The following MTHFD1L variants were observed in gnomAD, a reference collection of about 807,000 sequenced individuals.
MTHFD1L encodes methylenetetrahydrofolate dehydrogenase (NADP+ dependent) 1 like.
In MTHFD1L, 81 loss-of-function variants were observed where a neutral mutation model predicts 119.5. That is an observed-to-expected ratio of 0.68 (90% confidence interval 0.57 to 0.82). The LOEUF is 0.82. Ranked by LOEUF, MTHFD1L falls within the 40% of genes least tolerant of loss-of-function variation. The pLI, the probability that MTHFD1L is intolerant of heterozygous loss-of-function variation, is 0.00. For missense variants in MTHFD1L, 1,125 were observed against 1,253.4 expected, an observed-to-expected ratio of 0.90 and a Z score of 1.55; for synonymous variants, 430 against 475.2, an observed-to-expected ratio of 0.90 and a Z score of 1.24.
At chr6:151,083,665 A>C (rs1468617759) in intron 26 of MTHFD1L, among the ~76,000 whole-genome samples, 1 of 152,176 alleles carries the variant, frequency 6.6e-6, no homozygotes, top group Non-Finnish European at 1.5e-5. Context: ...ACCAAAGCAC[A>C]TTTCTGACAT....
chr6:150,964,708 C>G (rs1159740817), intron 18 of MTHFD1L, among the ~76,000 whole-genome samples: 1 of 152,166 alleles, frequency 6.6e-6, no homozygotes, highest in African/African-American at 2.4e-5. Context: ...CTCATAAACA[C>G]CATCAAGGAA....
At position 150,936,796 on chromosome 6, in the gene MTHFD1L, G is replaced by A. The variant is rs749501330; in HGVS notation, c.1257-8G>A. 39 of 1,608,972 alleles carry A rather than the reference G, an allele frequency of 2.4e-5. No homozygotes were observed. The highest frequency in any genetic ancestry group is 2.4e-4 in the African/African-American group (18 of 74,772). On this transcript the variant is annotated splice_polypyrimidine_tract_variant and splice_region_variant and intron_variant, in intron 11 of 27. Transcript: ENST00000367321. ...ATTATAAAATTCACTTTCTCCCCCC[G>A]AACTCAGGATCACACCCACCCCTCT... is the stretch of plus-strand genomic sequence containing the variant.
chr6:150,966,157 G>A (rs555143046), intron 19 of MTHFD1L, among the ~76,000 whole-genome samples: 8 of 152,126 alleles, frequency 5.3e-5, no homozygotes, highest in Admixed American at 1.3e-4. Flanking sequence ...TCGCATTGCC[G>A]TAAGGAACTA....
rs1462535620 is a variant in MTHFD1L, at chr6:151,101,647, C to T, written c.*153C>T. ...ATAGGCCAAAGATTTCTTCTTCGTT[C>T]AAGATGAATTCTGTTCACAGTGGAG... On this transcript the variant is annotated 3_prime_UTR_variant, in exon 28 of 28. Transcript: ENST00000367321. 6.6e-6 allele frequency: 1 copy of T among 152,540 alleles called. No homozygotes were observed. Among genetic ancestry groups the T allele is most frequent in the East Asian group, 1.9e-4 (1 of 5,196 alleles). The allele number at this position is 152,540 out of a possible 1,614,324, so 9.4% of individuals were successfully genotyped here. A position where few individuals can be genotyped will look rare whatever the true frequency, so the allele number is the denominator to read the frequency against.
rs547826642 is a variant in MTHFD1L at position 150,913,498 on chromosome 6, G to T, written c.893-5079G>T. 4.5e-4 allele frequency among the ~76,000 whole-genome samples: 69 copies of T among 152,150 alleles called. No individual in the cohort carries two copies. The South Asian group carries it at 4.8e-3, about 11-fold the overall frequency. ...TTTTTGTACCTTTTCTAGAGACGAGGTTTCACCAGGTTGCTCAGGCTGCTC... is the reference window on the plus strand; with the variant it reads ...TTTTTGTACCTTTTCTAGAGACGAGTTTTCACCAGGTTGCTCAGGCTGCTC... On this transcript the variant is annotated intron_variant, in intron 8 of 27. Transcript: ENST00000367321.
At chr6:151,092,182 A>G (rs1407872513) in intron 26 of MTHFD1L, among the ~76,000 whole-genome samples, 1 of 152,086 alleles carries the variant, frequency 6.6e-6, no homozygotes, top group Non-Finnish European at 1.5e-5. Flanking sequence ...TATTGAGAAG[A>G]AAAGGTTTGG....
chr6:150,866,153 AGT>A, intron 1 of MTHFD1L, 104 bp downstream of exon 1: 2 of 1,399,074 alleles, frequency 1.4e-6, no homozygotes, highest in Non-Finnish European at 1.9e-6. Context: ...CGGGGCTGCG[AGT>A]GTTTGGTGCC....
At chr6:150,951,970 C>G (rs574623559) in intron 16 of MTHFD1L, among the ~76,000 whole-genome samples, 10 of 152,186 alleles carry the variant, frequency 6.6e-5, no homozygotes, top group African/African-American at 2.2e-4. Context: ...CTTTGGGGTT[C>G]CAGCCTGAGC....
chr6:151,064,699 ACT>A, intron 26 of MTHFD1L, among the ~76,000 whole-genome samples: 1 of 151,962 alleles, frequency 6.6e-6, no homozygotes, highest in Middle Eastern at 3.4e-3. Context: ...TTCCCAAAAA[ACT>A]CTTAAAATAT....
chr6:150,929,177 T>C (rs1790572427), intron 11 of MTHFD1L, among the ~76,000 whole-genome samples: 1 of 152,222 alleles, frequency 6.6e-6, no homozygotes. Context: ...CACAGTTTAG[T>C]CAGGGTTGTT....
At chr6:150,982,293 A>G (rs1008913553) in intron 20 of MTHFD1L, among the ~76,000 whole-genome samples, 4 of 152,116 alleles carry the variant, frequency 2.6e-5, no homozygotes, top group Non-Finnish European at 5.9e-5. Flanking sequence ...TGCTAGCCAT[A>G]CTGGCCAACC....
intron 26 of MTHFD1L, among the ~76,000 whole-genome samples, chr6:151,087,889 G>T (rs548390448): frequency 4.1e-4 from 62 of 152,346 alleles, no homozygotes; most frequent in African/African-American, 1.5e-3. Context: ...AGCCTTTGTA[G>T]AAGAATCCAT....
At chr6:151,055,249 G>A (rs1005518078) in intron 26 of MTHFD1L, among the ~76,000 whole-genome samples, 2 of 151,832 alleles carry the variant, frequency 1.3e-5, no homozygotes, top group African/African-American at 2.4e-5. Flanking sequence ...AGGTGACAGA[G>A]GGAGACTCCG....
At chr6:150,951,880 G>A (rs922299295) in intron 16 of MTHFD1L, among the ~76,000 whole-genome samples, 1 of 152,030 alleles carries the variant, frequency 6.6e-6, no homozygotes, top group Non-Finnish European at 1.5e-5. Flanking sequence ...CAGGAAGGTG[G>A]AAATTAGTGT....
At position 150,960,276 on chromosome 6, in the gene MTHFD1L, C is replaced by T. The variant is rs139952525; in HGVS notation, c.1805C>T (p.Ala602Val). The T allele has an allele frequency of 4.1e-5, 66 of 1,611,626 alleles. No homozygotes were observed. The Middle Eastern group carries it at 8.7e-4, about 21-fold the overall frequency. ...CTACCTGTGTTTGGGCTGGTTCAGG[C>T]GCAGTTTGACATCGCAGTGGCCAGC... ...GNTEKGHYRQ[A>V]QFDIAVASEI... The change falls in exon 18 of 28, where the codon GCG becomes GTG. Residue 602 changes from alanine to valine, a missense_variant and splice_region_variant. Ala to Val is a moderately conservative substitution (Grantham distance 64, BLOSUM62 0). This residue lies in a region of MTHFD1L where 1,058 missense variants were observed against 1,151.2 expected (regional missense o/e 0.92). Coordinates refer to ENST00000367321, the MANE Select transcript of MTHFD1L (RefSeq NM_015440.5).
At chr6:150,866,602 G>T in intron 1 of MTHFD1L, 2 of 1,217,838 alleles carry the variant, frequency 1.6e-6, no homozygotes, top group Non-Finnish European at 2.0e-6. Flanking sequence ...GCTGGGGTCT[G>T]TGGCTGACGT....
chr6:151,091,277 T>G (rs74658424), intron 26 of MTHFD1L, among the ~76,000 whole-genome samples: 2 of 151,882 alleles, frequency 1.3e-5, no homozygotes, highest in South Asian at 2.1e-4. Context: ...TTGCTCCATG[T>G]GACTGGGTGC....
At chr6:151,011,845 TGAG>T (rs1252457221) in intron 21 of MTHFD1L, among the ~76,000 whole-genome samples, 1 of 151,540 alleles carries the variant, frequency 6.6e-6, no homozygotes, top group African/African-American at 2.4e-5. Flanking sequence ...GTGGATCACC[TGAG>T]GAGTTCAAGA....
At chr6:150,871,081 A>C (rs1451842474) in intron 1 of MTHFD1L, among the ~76,000 whole-genome samples, 1 of 144,722 alleles carries the variant, frequency 6.9e-6, no homozygotes, top group Non-Finnish European at 1.5e-5. Context: ...TACCTTAATT[A>C]TATATATACA....
Sources: allele counts gnomAD v4.1 joint callset (sites outside exome capture counted in the v4.1 genomes callset), GRCh38; gene constraint gnomAD v4.1.1; regional missense constraint gnomAD v4.1.1; transcripts MANE v1.5; gene names NCBI Gene and HGNC (gene_info 2026-07-23, HGNC 2026-07-21).